Variants in ISOC2 observed in about 807,000 individuals in gnomAD.
The protein encoded by ISOC2 is isochorismatase domain containing 2.
Under a neutral mutation model 19.3 loss-of-function variants are expected in ISOC2, and 15 were observed. The ratio of observed to expected loss-of-function variants is 0.78; its 90% CI spans 0.52 to 1.20. The LOEUF is 1.20. ISOC2 is among the 50% of genes most tolerant of loss of function. The probability of loss-of-function intolerance (pLI) is 0.00; values close to 1 mark genes in which losing one functional copy is unlikely to be tolerated. For synonymous variants in ISOC2, 106 were observed against 115.8 expected (o/e 0.92, Z 0.54); for missense variants, 285 against 272.4 (o/e 1.05, Z -0.33).
intron 1 of ISOC2, among the ~76,000 whole-genome samples, chr19:55,458,611 C>T (rs1479456089): frequency 6.6e-6 from 1 of 151,686 alleles, no homozygotes; most frequent in Non-Finnish European, 1.5e-5. Flanking sequence ...TCACTGCAAG[C>T]TCTGCCTCCC....
At chr19:55,456,851 A>G (rs560225597) in intron 1 of ISOC2, among the ~76,000 whole-genome samples, 10 of 152,110 alleles carry the variant, frequency 6.6e-5, no homozygotes, top group African/African-American at 2.2e-4. Flanking sequence ...CCCAGTTACT[A>G]TCAGTCCCGG....
At chr19:55,455,894 TGGGCCTGGACTCCTGGGTCTGA>T in intron 2 of ISOC2, 49 bp from the exon 3 acceptor site, 3 of 1,357,948 alleles carry the variant, frequency 2.2e-6, no homozygotes, top group Non-Finnish European at 2.0e-6. Context: ...GAGGAGGGGC[TGGGCCTGGACTCCTGGGTCTGA>T]GGGAGGAGGG....
chr19:55,456,600 C>G, intron 1 of ISOC2, 111 bp from the exon 2 acceptor site: 4 of 1,361,966 alleles, frequency 2.9e-6, no homozygotes, highest in Non-Finnish European at 3.0e-6. Flanking sequence ...GGCACCTTGC[C>G]AACCTTCTTC....
At chr19:55,456,523 C>A (rs759705476) in intron 1 of ISOC2, 34 bp from the exon 2 acceptor site, 11 of 1,608,770 alleles carry the variant, frequency 6.8e-6, no homozygotes, top group Admixed American at 1.7e-5. Flanking sequence ...GGGTCAGGCC[C>A]GAGGGCTCCT....
At chr19:55,457,658 A>G (rs4801644) in intron 1 of ISOC2, among the ~76,000 whole-genome samples, 92,558 of 151,590 alleles carry the variant, frequency 0.61, 28,469 homozygotes, top group Non-Finnish European at 0.62. Flanking sequence ...GTGAAACCCC[A>G]TATCTACTAA....
chr19:55,455,511 G>C, intron 3 of ISOC2, 125 bp downstream of exon 3: 3 of 1,114,212 alleles, frequency 2.7e-6, no homozygotes, highest in Non-Finnish European at 3.9e-6. Context: ...GGTGAGGAGA[G>C]AGGGCCCAGG....
intron 5 of ISOC2, chr19:55,454,533 G>GCC (rs2123375267): frequency 6.1e-6 from 1 of 164,320 alleles, no homozygotes; most frequent in African/African-American, 2.4e-5. Context: ...GGCCAGTGGA[G>GCC]TCTGAGAAAC....
At chr19:55,458,019 T>G (rs1986117301) in intron 1 of ISOC2, among the ~76,000 whole-genome samples, 1 of 147,876 alleles carries the variant, frequency 6.8e-6, no homozygotes, top group South Asian at 2.1e-4. Flanking sequence ...TTCAAATGGC[T>G]GAAAGGGTAA....
In ISOC2 at chr19:55,453,179, G is replaced by C. The variant is rs946149359; in HGVS notation, c.*129C>G. The stretch of plus-strand genomic sequence containing the variant: ...CTGTCCAATGGGAAGGCAGCACCCT[G>C]CCCCCCCCACAAGGGGGCGGCACTC... On this transcript the variant is annotated 3_prime_UTR_variant, in exon 6 of 6. Coordinates refer to ENST00000425675, the MANE Select transcript of ISOC2 (RefSeq NM_001136201.2). The C allele has an allele frequency of 1.3e-5, 7 of 539,612 alleles. No individual in the cohort carries two copies. The highest frequency in any genetic ancestry group is 9.9e-5 in the African/African-American group (5 of 50,310). 33.4% of individuals were successfully genotyped at this position (539,612 alleles called of 1,614,324 possible). A position where few individuals can be genotyped will look rare whatever the true frequency, so the allele number is the denominator to read the frequency against.
chr19:55,458,296 C>A (rs1265616848), intron 1 of ISOC2, among the ~76,000 whole-genome samples: 3 of 152,188 alleles, frequency 2.0e-5, no homozygotes, highest in African/African-American at 4.8e-5. Context: ...GCCTACGTCC[C>A]TGGGAGGCTT....
At chr19:55,453,440 A>G in intron 5 of ISOC2, 52 bp from the exon 6 acceptor site, 1 of 1,301,512 alleles carries the variant, frequency 7.7e-7, no homozygotes, top group South Asian at 1.5e-5. Context: ...CCCGATCTCC[A>G]TGGATGACAA....
chr19:55,456,081 T>A (rs10420890), intron 2 of ISOC2: 1 of 580,416 alleles, frequency 1.7e-6, no homozygotes, highest in Non-Finnish European at 3.0e-6. Flanking sequence ...TGGGCCTGGA[T>A]CCCTGGGTCT....
intron 1 of ISOC2, chr19:55,456,987 T>TGGTTACCATCAGCCCC (rs534030101): frequency 0.054 from 4,819 of 88,888 alleles, 104 homozygotes; most frequent in African/African-American, 0.098. Context: ...CTGTCAGCCC[T>TGGTTACCATCAGCCCC]GGTTACCATC....
In ISOC2 at chr19:55,459,455, A is replaced by G. The variant is rs549305184; in HGVS notation, c.-4+2057T>C. On this transcript the variant is annotated intron_variant, in intron 1 of 5. Coordinates refer to ENST00000425675, the MANE Select transcript of ISOC2 (RefSeq NM_001136201.2). ...ATAAGTGGGATTTGGAGGGAGTCAG[A>G]TACAGCTTGGCAGGGGCTGCAGTGT... 7.9e-5 allele frequency among the ~76,000 whole-genome samples: 12 copies of G among 152,318 alleles called. No individual in the cohort carries two copies. In the East Asian group the frequency reaches 2.3e-3, roughly 29 times the overall value.
chr19:55,456,398 T>G lies in ISOC2; in HGVS notation c.89A>C (p.Asn30Thr). 1 of 1,613,632 alleles carries G rather than the reference T, an allele frequency of 6.2e-7. No individual in the cohort carries two copies. Among genetic ancestry groups the G allele is most frequent in the Non-Finnish European group, 8.5e-7 (1 of 1,179,850 alleles). Residue 30 changes from asparagine (N) to threonine (T), a missense_variant, in exon 2 of 6, where the codon AAC (asparagine) becomes ACC (threonine). Coordinates refer to ENST00000425675, the MANE Select transcript of ISOC2 (RefSeq NM_001136201.2). ...LCDMQEKFRHNIAYFPQIVSV... is the reference protein window; with the variant it reads ...LCDMQEKFRHTIAYFPQIVSV... ...GACGATCTGTGGGAAGTAGGCGATG[T>G]TGTGGCGGAACTTCTCCTGCATGTC... is the stretch of plus-strand genomic sequence containing the variant.
Position 55,456,330 on chromosome 19 carries a change from TG to T in ISOC2, c.138+18del, listed in dbSNP as rs1986058385. The stretch of plus-strand genomic sequence containing the variant: ...TGAGCCTGGATCCTGGGTCTGAGGG[TG>T]GGGGGCTGAGGTCATACCTTGAGCA... On this transcript the variant is annotated intron_variant, in intron 2 of 5. Coordinates refer to ENST00000425675, the MANE Select transcript of ISOC2 (RefSeq NM_001136201.2). 6.2e-7 allele frequency: 1 copy of T among 1,610,148 alleles called. No homozygotes were observed. Among genetic ancestry groups the T allele is most frequent in the Non-Finnish European group, 8.5e-7 (1 of 1,177,576 alleles).
intron 2 of ISOC2, 29 bp downstream of exon 2, chr19:55,456,320 G>C: frequency 1.2e-6 from 2 of 1,603,380 alleles, no homozygotes; most frequent in Non-Finnish European, 1.7e-6. Context: ...CTGGATCCTG[G>C]GTCTGAGGGT....
chr19:55,460,318 A>G (rs1267628305), intron 1 of ISOC2, among the ~76,000 whole-genome samples: 1 of 152,220 alleles, frequency 6.6e-6, no homozygotes, highest in Non-Finnish European at 1.5e-5. Flanking sequence ...TGTGCCAAAG[A>G]AAAAAGGGAG....
At chr19:55,456,737 G>A (rs968402740) in intron 1 of ISOC2, among the ~76,000 whole-genome samples, 1 of 152,158 alleles carries the variant, frequency 6.6e-6, no homozygotes, top group Admixed American at 6.5e-5. Context: ...ACGTGGCTCC[G>A]GGTGTCCCTC....
Sources: allele counts gnomAD v4.1 joint callset (sites outside exome capture counted in the v4.1 genomes callset), GRCh38; gene constraint gnomAD v4.1.1; transcripts MANE v1.5; gene names NCBI Gene and HGNC (gene_info 2026-07-23, HGNC 2026-07-21).